DOP1B: variants seen among roughly 807,000 people sequenced by gnomAD.
The protein encoded by DOP1B is protein DOP1B.
DOP1B carries 174 observed loss-of-function variants against 233.5 expected under a neutral mutation model. The observed-to-expected ratio is 0.75, with a 90% CI of 0.66 to 0.85. DOP1B has a LOEUF of 0.85. Among genes scored for constraint, DOP1B ranks in the 40% least tolerant of loss-of-function variants. DOP1B has a pLI of 0.00. For missense variants in DOP1B, 2,652 were observed against 2,846.6 expected (o/e 0.93, Z 1.56); for synonymous variants, 1,190 against 1,185.6 (o/e 1.00, Z -0.08).
At chr21:36,176,414 A>G (rs2066031429) in intron 2 of DOP1B, among the ~76,000 whole-genome samples, 1 of 152,110 alleles carries the variant, frequency 6.6e-6, no homozygotes, top group Admixed American at 6.6e-5. Context: ...TATGAGCTGC[A>G]TCTTTCAGCC....
At chr21:36,252,863 G>A (rs1449585562) in intron 22 of DOP1B, among the ~76,000 whole-genome samples, 2 of 152,182 alleles carry the variant, frequency 1.3e-5, no homozygotes, top group Non-Finnish European at 2.9e-5. Context: ...ATGAAGTCCT[G>A]CAGGGGTCGG....
At chr21:36,276,917 G>A in intron 27 of DOP1B, 104 bp from the exon 28 acceptor site, 1 of 1,022,972 alleles carries the variant, frequency 9.8e-7, no homozygotes, top group East Asian at 2.5e-5. Context: ...CAATTGGTAT[G>A]AAAGGCGGGA....
At chr21:36,200,822 A>T (rs1423024585) in intron 4 of DOP1B, among the ~76,000 whole-genome samples, 1 of 151,564 alleles carries the variant, frequency 6.6e-6, no homozygotes. Flanking sequence ...CAGCCTGGAC[A>T]ACAGAGACTC....
At chr21:36,206,099 A>G (rs1601410402) in intron 4 of DOP1B, among the ~76,000 whole-genome samples, 1 of 151,936 alleles carries the variant, frequency 6.6e-6, no homozygotes, top group African/African-American at 2.4e-5. Context: ...ACTCTTGTTG[A>G]GTAGGAAGTT....
In DOP1B at chr21:36,230,797, G is replaced by A; in HGVS notation, c.2013G>A (p.Leu671=). 1 of 1,614,164 alleles carries A rather than the reference G, an allele frequency of 6.2e-7. No individual in the cohort carries two copies. The highest frequency in any genetic ancestry group is 1.1e-5 in the South Asian group (1 of 91,088). ...GGGACAGGGATGGGACGCAGAGCCT[G>A]GCAGCCAATGATTCCAGCAGGAAGA... ...GKRDRDGTQS[L]AANDSSRKNS... is the part of the protein sequence containing the mutation. Residue 671 remains leucine, a synonymous_variant, in exon 14 of 37, where the codon CTG becomes CTA. Coordinates refer to ENST00000691173, the MANE Select transcript of DOP1B (RefSeq NM_001320714.2).
At chr21:36,208,668 C>T (rs750901131) in intron 4 of DOP1B, 47 bp from the exon 5 acceptor site, 77 of 1,582,434 alleles carry the variant, frequency 4.9e-5, no homozygotes, top group Middle Eastern at 3.4e-4. Context: ...CAGTGGGACT[C>T]GGGAAGATGG....
chr21:36,250,827 C>T (rs1363742253), intron 21 of DOP1B, among the ~76,000 whole-genome samples: 1 of 152,182 alleles, frequency 6.6e-6, no homozygotes, highest in African/African-American at 2.4e-5. Context: ...TCCTGCAAGA[C>T]CCCCACTGTG....
At chr21:36,209,541 T>C (rs1300930554) in intron 5 of DOP1B, among the ~76,000 whole-genome samples, 3 of 152,166 alleles carry the variant, frequency 2.0e-5, no homozygotes, top group Non-Finnish European at 4.4e-5. Context: ...CTTTGTTTCC[T>C]TCCTCTGTCC....
At chr21:36,258,282 C>T (rs903205508) in intron 23 of DOP1B, among the ~76,000 whole-genome samples, 1 of 152,176 alleles carries the variant, frequency 6.6e-6, no homozygotes, top group Non-Finnish European at 1.5e-5. Flanking sequence ...TGGTATGCAC[C>T]TGTAGCCTCA....
rs1291981073 is a variant in DOP1B, at chr21:36,292,169, A to G, written c.6581A>G (p.Glu2194Gly). The G allele has an allele frequency of 6.2e-7, 1 of 1,612,464 alleles. No homozygotes were observed. Among genetic ancestry groups the G allele is most frequent in the African/African-American group, 1.3e-5 (1 of 74,708 alleles). The change falls in exon 36 of 37, where the codon GAG becomes GGG. Residue 2194 changes from glutamate to glycine, a missense_variant. Around this residue, in one of 3 missense-constraint regions of DOP1B, gnomAD observed 2,617 missense variants for 2,794.3 expected, o/e 0.94. Transcript: ENST00000691173. ...CCTGCCTTCCTGTCGGATGTAGAGG[A>G]GAATCACCAAGAATGCAAACCCCAC... ...EGPAFLSDVE[E>G]NHQECKPHTV... is the part of the protein sequence containing the mutation.
intron 10 of DOP1B, among the ~76,000 whole-genome samples, chr21:36,221,929 T>G (rs1601423005): frequency 6.6e-6 from 1 of 152,212 alleles, no homozygotes; most frequent in Admixed American, 6.5e-5. Context: ...TGGGGTGCGG[T>G]GGCGCCATCT....
chr21:36,288,848 T>A, intron 34 of DOP1B, 37 bp downstream of exon 34: 1 of 1,553,578 alleles, frequency 6.4e-7, no homozygotes, highest in Non-Finnish European at 8.8e-7. Context: ...GAGGAAAAGA[T>A]AGTCACGATT....
intron 15 of DOP1B, among the ~76,000 whole-genome samples, chr21:36,236,933 C>T (rs1040337807): frequency 4.6e-5 from 7 of 151,624 alleles, no homozygotes; most frequent in Non-Finnish European, 7.4e-5. Flanking sequence ...TACAGGTGCC[C>T]GCCGCCACAC....
At chr21:36,191,464 AG>A (rs1338920316) in intron 2 of DOP1B, among the ~76,000 whole-genome samples, 2 of 152,072 alleles carry the variant, frequency 1.3e-5, no homozygotes, top group African/African-American at 4.8e-5. Context: ...TCAGTCCAGG[AG>A]GGGCTGGCGT....
intron 2 of DOP1B, among the ~76,000 whole-genome samples, 191 bp from the exon 3 acceptor site, chr21:36,198,879 C>T (rs1203251140): frequency 6.6e-6 from 1 of 152,202 alleles, no homozygotes; most frequent in Non-Finnish European, 1.5e-5. Flanking sequence ...CTTGTGCCTG[C>T]CTCATCTCCA....
At chr21:36,241,761 G>A (rs1211294427) in intron 18 of DOP1B, among the ~76,000 whole-genome samples, 10 of 135,286 alleles carry the variant, frequency 7.4e-5, no homozygotes, top group Admixed American at 4.1e-4. Flanking sequence ...GGCTGGTCTC[G>A]AACTCCTGAC....
At position 36,253,662 on chromosome 21, in the gene DOP1B, A is replaced by ACC. The variant is rs995589177; in HGVS notation, c.5122-109_5122-108insCC. 3.6e-5 allele frequency: 45 copies of ACC among 1,262,550 alleles called. No individual in the cohort carries two copies. The African/African-American group carries it at 6.7e-4, about 19-fold the overall frequency. The allele number at this position is 1,262,550 out of a possible 1,614,324, so 78.2% of individuals were successfully genotyped here. ...CAAAAAAAAAAAAAAAGAGATGAAA[A>ACC]CAGATTGATTTCTCCAGGGACGACT... On this transcript the variant is annotated intron_variant, in intron 22 of 36. Coordinates refer to ENST00000691173, the MANE Select transcript of DOP1B (RefSeq NM_001320714.2).
At position 36,238,671 on chromosome 21, in the gene DOP1B, G is replaced by C. The variant is rs138787675; in HGVS notation, c.2846G>C (p.Arg949Pro). ...CTGACAAGAGAGATCCAAGGCAGTC[G>C]AGTAACATCTCACAATCGCTCCTTT... ...WHLTREIQGS[R>P]VTSHNRSFDR... is the part of the protein sequence containing the mutation. The change falls in exon 17 of 37, where the codon CGA becomes CCA. Residue 949 changes from arginine (R) to proline (P), a missense_variant. By Grantham distance (103) the Arg-to-Pro change is moderately radical. This residue lies in a region of DOP1B where 2,617 missense variants were observed against 2,794.3 expected (regional missense o/e 0.94). Coordinates refer to ENST00000691173, the MANE Select transcript of DOP1B (RefSeq NM_001320714.2). 258 of 1,614,088 alleles carry C rather than the reference G, an allele frequency of 1.6e-4. No homozygotes were observed. Among genetic ancestry groups the C allele is most frequent in the Non-Finnish European group, 2.1e-4 (252 of 1,180,054 alleles).
chr21:36,247,501 CTT>C lies in DOP1B; in HGVS notation c.4698-13_4698-12del, dbSNP rs2066981070. On this transcript the variant is annotated splice_polypyrimidine_tract_variant and intron_variant, in intron 19 of 36. Transcript: ENST00000691173. ...TTTAAAAATTCTCAAACCAGTTTCTCTTTTCTTCACCACAGCACAACCTCCAA... is the reference window on the plus strand; with the variant it reads ...TTTAAAAATTCTCAAACCAGTTTCTCTTCTTCACCACAGCACAACCTCCAA... 1.9e-6 allele frequency: 3 copies of C among 1,563,256 alleles called. No individual in the cohort carries two copies. The highest frequency in any genetic ancestry group is 2.6e-6 in the Non-Finnish European group (3 of 1,160,034).
Sources: gnomAD v4.1 joint callset for allele counts (sites outside exome capture counted in the v4.1 genomes callset) on GRCh38, gnomAD v4.1.1 for gene constraint, gnomAD v4.1.1 regional missense constraint, MANE v1.5 for transcripts, NCBI Gene and HGNC (gene_info 2026-07-23, HGNC 2026-07-21) for gene names.